The following DOCK4 variants were observed in gnomAD, a reference collection of about 807,000 sequenced individuals.
The protein encoded by DOCK4 is dedicator of cytokinesis protein 4.
A neutral mutation model predicts 268.1 loss-of-function variants in DOCK4; 97 were observed. The observed-to-expected ratio is 0.36, with a 90% CI of 0.31 to 0.43. The LOEUF is 0.43. Ranked by LOEUF, DOCK4 falls within the 20% of genes least tolerant of loss-of-function variation. DOCK4 has a pLI of 1.00. For synonymous variants in DOCK4, 954 were observed against 887.2 expected, an observed-to-expected ratio of 1.08 and a Z score of -1.34; for missense variants, 2,145 against 2,455.7, an observed-to-expected ratio of 0.87 and a Z score of 2.67.
At position 111,737,336 on chromosome 7, in the gene DOCK4, G is replaced by A. The variant is rs548989851; in HGVS notation, c.5233-347C>T. 4.0e-5 allele frequency among the ~76,000 whole-genome samples: 6 copies of A among 151,798 alleles called. No homozygotes were observed. The South Asian group carries it at 1.2e-3, about 32-fold the overall frequency. On this transcript the variant is annotated intron_variant, in intron 49 of 52. Transcript: ENST00000428084. The stretch of plus-strand genomic sequence containing the variant: ...AGATGGAATCTCACTATATTGCCCA[G>A]GCTGGTCTTGAATGCCTGGGCTCAA...
At chr7:112,047,888 G>A (rs773393935) in intron 1 of DOCK4, among the ~76,000 whole-genome samples, 33 of 151,948 alleles carry the variant, frequency 2.2e-4, no homozygotes, top group East Asian at 3.9e-4. Context: ...ATGGGGTCTC[G>A]CTATGTTTCA....
intron 51 of DOCK4, among the ~76,000 whole-genome samples, chr7:111,734,577 A>G (rs1291957511): frequency 6.6e-6 from 1 of 152,178 alleles, no homozygotes; most frequent in African/African-American, 2.4e-5. Context: ...AGACCTCTCA[A>G]AGCAACAGAT....
chr7:111,997,450 T>C (rs1254047354), intron 4 of DOCK4, among the ~76,000 whole-genome samples: 1 of 152,182 alleles, frequency 6.6e-6, no homozygotes, highest in Non-Finnish European at 1.5e-5. Flanking sequence ...GTTTTACCCA[T>C]ATAGGGAACT....
chr7:111,852,660 C>T lies in DOCK4; in HGVS notation c.2474-5534G>A, dbSNP rs115889822. 7.6e-3 allele frequency among the ~76,000 whole-genome samples: 1,153 copies of T among 152,218 alleles called. 18 individuals are homozygous for T. The highest frequency in any genetic ancestry group is 0.027 in the African/African-American group (1,113 of 41,536). On this transcript the variant is annotated intron_variant, in intron 23 of 52. Transcript: ENST00000428084. Reference sequence around the variant, plus strand: ...TTGCAGCCAATTGTTAAGAAAATATCAACTGCAAAAAAGTAAGTAAGGTGG... The same window carrying T: ...TTGCAGCCAATTGTTAAGAAAATATTAACTGCAAAAAAGTAAGTAAGGTGG...
At chr7:111,977,637 AG>A (rs1447391464) in intron 7 of DOCK4, among the ~76,000 whole-genome samples, 2 of 152,252 alleles carry the variant, frequency 1.3e-5, no homozygotes, top group African/African-American at 4.8e-5. Context: ...TTCAGGAAGC[AG>A]GAAGTTCAAA....
At chr7:111,936,485 AATGGATGGATGGATGGATGGATGG>A (rs56276228) in intron 11 of DOCK4, among the ~76,000 whole-genome samples, 1 of 148,052 alleles carries the variant, frequency 6.8e-6, no homozygotes, top group Non-Finnish European at 1.5e-5. Context: ...CAGTGGTATG[AATGGATGGATGGATGGATGGATGG>A]ATGGATGGAT....
chr7:112,033,309 A>G (rs1803450277), intron 1 of DOCK4, among the ~76,000 whole-genome samples: 1 of 152,160 alleles, frequency 6.6e-6, no homozygotes, highest in Admixed American at 6.5e-5. Context: ...AAGAAGAGAA[A>G]GGTGAAAAAG....
intron 1 of DOCK4, among the ~76,000 whole-genome samples, chr7:112,121,933 T>C (rs2523006): frequency 0.75 from 114,560 of 152,078 alleles, 44,486 homozygotes; most frequent in Non-Finnish European, 0.84. Context: ...TAGAATTCTA[T>C]ATTAAAATCA....
chr7:111,955,958 T>C (rs145094299), intron 8 of DOCK4, among the ~76,000 whole-genome samples: 1 of 152,300 alleles, frequency 6.6e-6, no homozygotes, highest in African/African-American at 2.4e-5. Flanking sequence ...AGTCTCTCTC[T>C]GGAGAACTCA....
At chr7:111,791,099 T>TAA (rs1554593963) in intron 30 of DOCK4, among the ~76,000 whole-genome samples, 5,403 of 137,398 alleles carry the variant, frequency 0.039, 174 homozygotes, top group Non-Finnish European at 0.065. Flanking sequence ...TATATATATA[T>TAA]AAAATAAATC....
At chr7:111,820,410 T>G (rs918749550) in intron 27 of DOCK4, 11 of 152,228 alleles carry the variant, frequency 7.2e-5, no homozygotes, top group Non-Finnish European at 1.5e-5. Flanking sequence ...ATGGCACATT[T>G]CTTGGGTTTG....
intron 47 of DOCK4, 104 bp from the exon 48 acceptor site, chr7:111,739,581 AAAG>A (rs1172538511): frequency 1.5e-4 from 136 of 924,568 alleles, no homozygotes; most frequent in Non-Finnish European, 2.3e-4. Flanking sequence ...TTAGCAACAA[AAAG>A]TCCGTTTAAC....
At position 112,000,506 on chromosome 7, in the gene DOCK4, G is replaced by GT; in HGVS notation, c.149dup (p.Asn50LysfsTer27). On this transcript the variant is annotated frameshift_variant, in exon 3 of 53. Transcript: ENST00000428084. LOFTEE classifies it high-confidence loss of function. ...TAACAATTTTTACCTTGATATTTGGGTTTTTTAAGGCAAATCCTCTGTACC... is the reference window on the plus strand; with the variant it reads ...TAACAATTTTTACCTTGATATTTGGGTTTTTTTAAGGCAAATCCTCTGTACC... 6.5e-7 allele frequency: 1 copy of GT among 1,540,996 alleles called. No homozygotes were observed. Among genetic ancestry groups the GT allele is most frequent in the Non-Finnish European group, 8.8e-7 (1 of 1,133,264 alleles).
intron 6 of DOCK4, among the ~76,000 whole-genome samples, chr7:111,986,777 C>T (rs914493528): frequency 1.3e-5 from 2 of 152,176 alleles, no homozygotes; most frequent in Non-Finnish European, 2.9e-5. Flanking sequence ...CTTTTGCTGG[C>T]CCTGTTAGGA....
chr7:112,128,185 C>T (rs1813418932), intron 1 of DOCK4, among the ~76,000 whole-genome samples: 1 of 152,246 alleles, frequency 6.6e-6, no homozygotes, highest in South Asian at 2.1e-4. Context: ...CTAAAAGATT[C>T]TAAGTTCTGT....
At chr7:111,846,458 A>G (rs534716099) in intron 24 of DOCK4, among the ~76,000 whole-genome samples, 6 of 152,192 alleles carry the variant, frequency 3.9e-5, no homozygotes, top group East Asian at 1.9e-4. Context: ...CATTGCATCA[A>G]GAGTCAGGCA....
intron 24 of DOCK4, 47 bp from the exon 25 acceptor site, chr7:111,844,944 G>A (rs1803980886): frequency 6.4e-7 from 1 of 1,566,472 alleles, no homozygotes; most frequent in Non-Finnish European, 8.6e-7. Context: ...GGTTTAACAT[G>A]CATTTCAATC....
intron 1 of DOCK4, among the ~76,000 whole-genome samples, chr7:112,078,678 C>G (rs1808303399): frequency 6.6e-6 from 1 of 152,104 alleles, no homozygotes; most frequent in African/African-American, 2.4e-5. Flanking sequence ...CCTTGGACAT[C>G]TACTCAAGCC....
chr7:111,750,991 C>A (rs766685098), intron 42 of DOCK4, among the ~76,000 whole-genome samples: 1 of 151,854 alleles, frequency 6.6e-6, no homozygotes, highest in Non-Finnish European at 1.5e-5. Context: ...GAGGACATTT[C>A]TCTTTACAGA....
Sources: allele counts gnomAD v4.1 joint callset (sites outside exome capture counted in the v4.1 genomes callset), GRCh38; gene constraint gnomAD v4.1.1; transcripts MANE v1.5; gene names NCBI Gene and HGNC (gene_info 2026-07-23, HGNC 2026-07-21).